The following KCNH8 variants were observed in gnomAD, a reference collection of about 807,000 sequenced individuals.
The protein encoded by KCNH8 is voltage-gated delayed rectifier potassium channel KCNH8.
A neutral mutation model predicts 103.6 loss-of-function variants in KCNH8; 70 were observed. The ratio of observed to expected loss-of-function variants is 0.68; its 90% CI spans 0.56 to 0.82. KCNH8 has a LOEUF of 0.82. Ranked by LOEUF, KCNH8 falls within the 40% of genes least tolerant of loss-of-function variation. The pLI is 0.00. For missense variants in KCNH8, 1,217 were observed against 1,329.9 expected (o/e 0.92, Z 1.32); for synonymous variants, 498 against 489.4 (o/e 1.02, Z -0.23).
chr3:19,181,971 A>G (rs994966671), intron 1 of KCNH8, among the ~76,000 whole-genome samples: 1 of 152,240 alleles, frequency 6.6e-6, no homozygotes, highest in Non-Finnish European at 1.5e-5. Flanking sequence ...TGACATTTGT[A>G]TAGAAAAGAA....
At chr3:19,314,400 A>G (rs2065246498) in intron 3 of KCNH8, among the ~76,000 whole-genome samples, 1 of 151,778 alleles carries the variant, frequency 6.6e-6, no homozygotes, top group African/African-American at 2.4e-5. Context: ...ACAGACACTG[A>G]TTCTACAAAA....
chr3:19,523,108 G>A (rs1209908222), intron 15 of KCNH8, among the ~76,000 whole-genome samples: 2 of 151,752 alleles, frequency 1.3e-5, no homozygotes, highest in African/African-American at 4.8e-5. Flanking sequence ...AAGACCATTC[G>A]TATCAACTTG....
chr3:19,523,937 T>C (rs2069016662), intron 15 of KCNH8, among the ~76,000 whole-genome samples: 1 of 151,874 alleles, frequency 6.6e-6, no homozygotes, highest in Admixed American at 6.6e-5. Flanking sequence ...ATCTGAGTTG[T>C]TGTCTAGGTT....
intron 3 of KCNH8, among the ~76,000 whole-genome samples, chr3:19,333,004 G>A (rs1313396791): frequency 6.6e-6 from 1 of 152,080 alleles, no homozygotes; most frequent in Non-Finnish European, 1.5e-5. Flanking sequence ...ATCTTCACCA[G>A]AATTTGATAC....
At chr3:19,460,996 A>T in intron 11 of KCNH8, among the ~76,000 whole-genome samples, 1 of 152,166 alleles carries the variant, frequency 6.6e-6, no homozygotes, top group East Asian at 1.9e-4. Flanking sequence ...TGACTTAATT[A>T]AACTTAATTC....
At chr3:19,475,945 A>C (rs1460026790) in intron 11 of KCNH8, among the ~76,000 whole-genome samples, 1 of 152,122 alleles carries the variant, frequency 6.6e-6, no homozygotes, top group African/African-American at 2.4e-5. Context: ...TGCTCCACGC[A>C]CCAATTTTGA....
At chr3:19,489,069 G>C (rs1481534176) in intron 11 of KCNH8, among the ~76,000 whole-genome samples, 1 of 152,106 alleles carries the variant, frequency 6.6e-6, no homozygotes, top group Non-Finnish European at 1.5e-5. Context: ...GTTCTCTCAG[G>C]GGCATTTGGA....
Position 19,450,384 on chromosome 3 carries a change from T to G in KCNH8, c.1575+79T>G, listed in dbSNP as rs759090388. ...AACGCAAGATGTTCTAATGCAGGTATCAGAAGTGAAAAGCATACCAACTTC... is the reference window on the plus strand; with the variant it reads ...AACGCAAGATGTTCTAATGCAGGTAGCAGAAGTGAAAAGCATACCAACTTC... On this transcript the variant is annotated intron_variant, in intron 9 of 15. Transcript: ENST00000328405. 3 of 1,131,418 alleles carry G rather than the reference T, an allele frequency of 2.7e-6. No individual in the cohort carries two copies. The East Asian group carries it at 7.1e-5, about 27-fold the overall frequency. 70.1% of individuals were successfully genotyped at this position (1,131,418 alleles called of 1,614,324 possible).
chr3:19,485,249 A>G (rs2068180895), intron 11 of KCNH8, among the ~76,000 whole-genome samples: 1 of 152,204 alleles, frequency 6.6e-6, no homozygotes, highest in Non-Finnish European at 1.5e-5. Context: ...TTTGTGTTGG[A>G]TCAGCCTCCA....
At chr3:19,529,731 G>C (rs2069128018) in intron 15 of KCNH8, among the ~76,000 whole-genome samples, 1 of 152,110 alleles carries the variant, frequency 6.6e-6, no homozygotes, top group African/African-American at 2.4e-5. Context: ...ATCTCTCCTT[G>C]TGACAGCTGG....
In KCNH8 at chr3:19,233,521, G is replaced by T. The variant is rs368458558; in HGVS notation, c.77-20133G>T. 1.5e-4 allele frequency among the ~76,000 whole-genome samples: 23 copies of T among 152,276 alleles called. 1 individual carries two copies. In the South Asian group the frequency reaches 2.5e-3, roughly 16 times the overall value. On this transcript the variant is annotated intron_variant, in intron 1 of 15. Transcript: ENST00000328405. ...AACTGTTAGAGTTTATCCTACAGTT[G>T]AGTAGTTCAATTGGAGCAAATAGAT...
intron 1 of KCNH8, among the ~76,000 whole-genome samples, chr3:19,201,259 A>AAAAAAAAAAAAAAAAAAAAT (rs1559419898): frequency 1.4e-5 from 2 of 145,500 alleles, no homozygotes; most frequent in African/African-American, 2.6e-5. Flanking sequence ...AAAAAAAAAA[A>AAAAAAAAAAAAAAAAAAAAT]AAAGAAAAGA....
intron 11 of KCNH8, among the ~76,000 whole-genome samples, chr3:19,502,694 T>C (rs1314019640): frequency 6.6e-6 from 1 of 151,610 alleles, no homozygotes. Flanking sequence ...CCCTATTTAA[T>C]AAATGGTGCT....
At chr3:19,330,882 T>C (rs912939939) in intron 3 of KCNH8, among the ~76,000 whole-genome samples, 1 of 152,170 alleles carries the variant, frequency 6.6e-6, no homozygotes, top group African/African-American at 2.4e-5. Context: ...TTTTTTGAAC[T>C]ACCTTTCAAA....
chr3:19,423,079 G>A lies in KCNH8; in HGVS notation c.1178-15085G>A, dbSNP rs2066974288. On this transcript the variant is annotated intron_variant, in intron 7 of 15. Coordinates refer to ENST00000328405, the MANE Select transcript of KCNH8 (RefSeq NM_144633.3). ...AATTATTATCTCAACACCAGCATAAGGATTGAATGCCAGCAACCTGAAATC... is the reference window on the plus strand; with the variant it reads ...AATTATTATCTCAACACCAGCATAAAGATTGAATGCCAGCAACCTGAAATC... Among the ~76,000 whole-genome samples the A allele has an allele frequency of 1.3e-5, 2 of 151,980 alleles. 1 individual carries two copies. Among genetic ancestry groups the A allele is most frequent in the South Asian group, 4.1e-4 (2 of 4,820 alleles).
chr3:19,348,001 A>G, intron 5 of KCNH8, 36 bp downstream of exon 5: 3 of 1,603,172 alleles, frequency 1.9e-6, no homozygotes, highest in Non-Finnish European at 2.6e-6. Flanking sequence ...CGATATTTGC[A>G]TATGAGAAGT....
chr3:19,406,402 G>A (rs551713540), intron 7 of KCNH8, among the ~76,000 whole-genome samples: 1 of 152,136 alleles, frequency 6.6e-6, no homozygotes. Context: ...AAATGTAGTA[G>A]TTTCTTAAAT....
At chr3:19,388,419 T>G (rs1364407598) in intron 5 of KCNH8, among the ~76,000 whole-genome samples, 1 of 152,116 alleles carries the variant, frequency 6.6e-6, no homozygotes, top group Non-Finnish European at 1.5e-5. Context: ...GTTCACATGC[T>G]ACTCTTACAG....
chr3:19,217,003 A>G (rs1398014895), intron 1 of KCNH8, among the ~76,000 whole-genome samples: 1 of 152,128 alleles, frequency 6.6e-6, no homozygotes, highest in African/African-American at 2.4e-5. Context: ...AAGATATTTA[A>G]CCTCTTTGAG....
Sources: allele counts gnomAD v4.1 joint callset (sites outside exome capture counted in the v4.1 genomes callset), GRCh38; gene constraint gnomAD v4.1.1; transcripts MANE v1.5; gene names NCBI Gene and HGNC (gene_info 2026-07-23, HGNC 2026-07-21).